DCC: variants seen among roughly 807,000 people sequenced by gnomAD.
DCC encodes DCC netrin 1 receptor, also known as netrin receptor DCC.
In DCC, 58 loss-of-function variants were observed where a neutral mutation model predicts 172.5. That is an observed-to-expected ratio of 0.34 (90% CI 0.27 to 0.42). DCC has a LOEUF of 0.42. Ranked by LOEUF, DCC falls within the 10% of genes least tolerant of loss-of-function variation. The pLI is 1.00. For synonymous variants in DCC, 709 were observed against 644.5 expected (o/e 1.10, Z -1.52); for missense variants, 1,740 against 1,791.0 (o/e 0.97, Z 0.51).
chr18:52,658,221 C>G (rs1193637394), intron 1 of DCC, among the ~76,000 whole-genome samples: 1 of 152,116 alleles, frequency 6.6e-6, no homozygotes, highest in Non-Finnish European at 1.5e-5. Flanking sequence ...AGTTGAGACA[C>G]CAGTTATATG....
intron 1 of DCC, among the ~76,000 whole-genome samples, chr18:52,481,093 C>T (rs1376714741): frequency 6.6e-6 from 1 of 152,136 alleles, no homozygotes; most frequent in Non-Finnish European, 1.5e-5. Context: ...TGTGTGTAAA[C>T]TCAGGCACAA....
At chr18:53,525,402 A>AAATC (rs1190929498) in intron 27 of DCC, among the ~76,000 whole-genome samples, 2 of 152,106 alleles carry the variant, frequency 1.3e-5, no homozygotes, top group Admixed American at 6.6e-5. Context: ...CTTTTATGAT[A>AAATC]AATCACTCAA....
chr18:52,485,079 A>T (rs565858275), intron 1 of DCC, among the ~76,000 whole-genome samples: 1 of 152,232 alleles, frequency 6.6e-6, no homozygotes, highest in Non-Finnish European at 1.5e-5. Flanking sequence ...GACCTACATG[A>T]TGACTGCTGA....
chr18:52,351,336 T>C (rs966819069), intron 1 of DCC, among the ~76,000 whole-genome samples: 2 of 152,218 alleles, frequency 1.3e-5, no homozygotes, highest in Non-Finnish European at 2.9e-5. Flanking sequence ...AGATATTGAC[T>C]GAATAAATTC....
rs573122333 is a variant in DCC, at chr18:53,206,080, T to A, written c.1722+716T>A. On this transcript the variant is annotated intron_variant, in intron 10 of 28. Transcript: ENST00000442544. ...ACCTATATAATACATATATATTACATATATACGTATATGTATTATACATGT... is the reference window on the plus strand; with the variant it reads ...ACCTATATAATACATATATATTACAAATATACGTATATGTATTATACATGT... Among the ~76,000 whole-genome samples, 842 of 122,760 alleles carry A rather than the reference T, an allele frequency of 6.9e-3. 10 individuals carry two copies. The highest frequency in any genetic ancestry group is 0.026 in the African/African-American group (792 of 30,102). 80.5% of individuals were successfully genotyped at this position (122,760 alleles called of 152,430 possible).
At chr18:52,542,453 G>A (rs1406247975) in intron 1 of DCC, among the ~76,000 whole-genome samples, 1 of 152,108 alleles carries the variant, frequency 6.6e-6, no homozygotes, top group Non-Finnish European at 1.5e-5. Context: ...AAACACTGTA[G>A]AATTTCTGTT....
intron 21 of DCC, among the ~76,000 whole-genome samples, chr18:53,416,980 A>C (rs1229964712): frequency 6.6e-6 from 1 of 152,170 alleles, no homozygotes; most frequent in African/African-American, 2.4e-5. Context: ...AAGAGTTAGG[A>C]AAAACTATAA....
intron 7 of DCC, among the ~76,000 whole-genome samples, chr18:53,097,325 C>T (rs1026158144): frequency 6.6e-6 from 1 of 152,118 alleles, no homozygotes; most frequent in Non-Finnish European, 1.5e-5. Context: ...GTCTGGGACA[C>T]CTAGGCCATT....
intron 1 of DCC, among the ~76,000 whole-genome samples, chr18:52,645,920 C>T (rs1438975216): frequency 6.6e-6 from 1 of 152,278 alleles, no homozygotes; most frequent in African/African-American, 2.4e-5. Context: ...ATTCTCAAAG[C>T]ATTTGCATTT....
intron 5 of DCC, among the ~76,000 whole-genome samples, chr18:53,043,341 A>G (rs966075604): frequency 3.3e-5 from 5 of 151,928 alleles, no homozygotes; most frequent in Admixed American, 6.6e-5. Flanking sequence ...GAGAGATAAC[A>G]TTAGGAGAAA....
At chr18:53,056,010 G>T (rs1425081499) in intron 5 of DCC, among the ~76,000 whole-genome samples, 1 of 152,020 alleles carries the variant, frequency 6.6e-6, no homozygotes, top group Non-Finnish European at 1.5e-5. Flanking sequence ...TTTTGTTAAG[G>T]TATGTTTAAC....
chr18:53,429,097 TTATATATAATATATATATTTTATA>T (rs1406252942), intron 21 of DCC, among the ~76,000 whole-genome samples: 1 of 93,656 alleles, frequency 1.1e-5, no homozygotes, highest in Admixed American at 1.5e-4. Context: ...AATATATATT[TTATATATAATATATATATTTTATA>T]TATATATAAA....
At chr18:52,737,939 C>T (rs1490717288) in intron 1 of DCC, among the ~76,000 whole-genome samples, 1 of 152,144 alleles carries the variant, frequency 6.6e-6, no homozygotes, top group African/African-American at 2.4e-5. Context: ...AGCAGTATCA[C>T]CTCAGAACAG....
At chr18:53,385,666 G>A (rs1908109669) in intron 15 of DCC, among the ~76,000 whole-genome samples, 2 of 152,140 alleles carry the variant, frequency 1.3e-5, no homozygotes, top group South Asian at 4.1e-4. Flanking sequence ...CTGTTTTTAG[G>A]TTTGATGCTT....
chr18:53,522,896 A>C (rs989555609), intron 27 of DCC, among the ~76,000 whole-genome samples: 10 of 152,232 alleles, frequency 6.6e-5, no homozygotes, highest in African/African-American at 1.9e-4. Context: ...AATGGCAATG[A>C]AAGCCAAAAT....
intron 12 of DCC, among the ~76,000 whole-genome samples, chr18:53,266,992 A>G (rs906047599): frequency 1.3e-5 from 2 of 152,044 alleles, no homozygotes; most frequent in African/African-American, 4.8e-5. Context: ...ATATTTATGT[A>G]CAAGTTTTTG....
intron 7 of DCC, among the ~76,000 whole-genome samples, chr18:53,148,003 T>A (rs1430813476): frequency 6.6e-6 from 1 of 152,224 alleles, no homozygotes; most frequent in Non-Finnish European, 1.5e-5. Flanking sequence ...TTATCTTCCA[T>A]GTATCTTTAC....
intron 15 of DCC, among the ~76,000 whole-genome samples, chr18:53,344,642 A>T (rs530558469): frequency 1.3e-5 from 2 of 151,198 alleles, no homozygotes; most frequent in East Asian, 3.9e-4. Flanking sequence ...GGGTTGCACA[A>T]TCTTGTCCAT....
intron 1 of DCC, among the ~76,000 whole-genome samples, chr18:52,668,058 CA>C (rs55673601): frequency 2.7e-5 from 4 of 150,408 alleles, no homozygotes; most frequent in Middle Eastern, 3.4e-3. Context: ...AAAACAACAA[CA>C]AAAAAAAACA....
Sources: gnomAD v4.1 joint callset for allele counts (sites outside exome capture counted in the v4.1 genomes callset) on GRCh38, gnomAD v4.1.1 for gene constraint, MANE v1.5 for transcripts, NCBI Gene and HGNC (gene_info 2026-07-23, HGNC 2026-07-21) for gene names.